Variants in TTLL5 observed in about 807,000 individuals in gnomAD.
TTLL5 encodes the protein tubulin tyrosine ligase like 5, also known as tubulin polyglutamylase TTLL5.
TTLL5 carries 132 observed loss-of-function variants against 168.4 expected under a neutral mutation model. The observed-to-expected ratio is 0.78, with a 90% CI of 0.68 to 0.91. TTLL5 has a LOEUF of 0.91. TTLL5 is among the 40% of genes least tolerant of loss of function. TTLL5 has a pLI of 0.00. For synonymous variants in TTLL5, 546 were observed against 558.6 expected, an observed-to-expected ratio of 0.98 and a Z score of 0.32; for missense variants, 1,545 against 1,581.5, an observed-to-expected ratio of 0.98 and a Z score of 0.39.
intron 31 of TTLL5, among the ~76,000 whole-genome samples, chr14:75,904,620 T>C (rs2033069440): frequency 6.6e-6 from 1 of 152,132 alleles, no homozygotes; most frequent in South Asian, 2.1e-4. Flanking sequence ...GAACTTGGTG[T>C]CAGTATGAAA....
chr14:75,689,475 G>A (rs1885295985), intron 5 of TTLL5: 1 of 152,132 alleles, frequency 6.6e-6, no homozygotes, highest in South Asian at 2.1e-4. Context: ...CACTTCTAGA[G>A]AAATAAAAAC....
intron 29 of TTLL5, among the ~76,000 whole-genome samples, chr14:75,870,165 A>T (rs898783491): frequency 2.6e-5 from 4 of 151,856 alleles, no homozygotes; most frequent in African/African-American, 9.7e-5. Context: ...AAAAGTTATT[A>T]TCAGGTCTCT....
chr14:75,938,270 A>C (rs549077337), intron 31 of TTLL5, among the ~76,000 whole-genome samples: 2 of 152,358 alleles, frequency 1.3e-5, no homozygotes, highest in South Asian at 4.1e-4. Context: ...AGAATTGAGC[A>C]ATCATCTGTA....
chr14:75,806,638 T>C (rs1279864483), intron 27 of TTLL5, among the ~76,000 whole-genome samples: 1 of 152,048 alleles, frequency 6.6e-6, no homozygotes, highest in Non-Finnish European at 1.5e-5. Context: ...ACTTCACTCA[T>C]ATGCATACTC....
At chr14:75,948,689 G>A (rs550733617) in intron 31 of TTLL5, among the ~76,000 whole-genome samples, 69 of 151,912 alleles carry the variant, frequency 4.5e-4, no homozygotes, top group Non-Finnish European at 8.5e-4. Context: ...AATAATAATA[G>A]CAATAATAAA....
At chr14:75,731,013 C>T (rs561290336) in intron 12 of TTLL5, among the ~76,000 whole-genome samples, 8 of 152,280 alleles carry the variant, frequency 5.3e-5, no homozygotes, top group South Asian at 2.1e-4. Flanking sequence ...CCACCATACC[C>T]GGCCTCATTC....
intron 28 of TTLL5, among the ~76,000 whole-genome samples, chr14:75,842,076 C>G (rs867216407): frequency 5.9e-5 from 9 of 152,144 alleles, no homozygotes; most frequent in Admixed American, 3.9e-4. Flanking sequence ...ACTCCTTATA[C>G]GTAGATCTTT....
chr14:75,730,323 G>T (rs1256413713), intron 12 of TTLL5, among the ~76,000 whole-genome samples: 2 of 152,158 alleles, frequency 1.3e-5, no homozygotes, highest in Non-Finnish European at 2.9e-5. Flanking sequence ...CTATTGAGAA[G>T]AATGTATTAG....
At chr14:75,863,119 A>G (rs2030168430) in intron 28 of TTLL5, among the ~76,000 whole-genome samples, 1 of 152,188 alleles carries the variant, frequency 6.6e-6, no homozygotes, top group Non-Finnish European at 1.5e-5. Context: ...AATGAAAAAA[A>G]GTGTCTTCCC....
chr14:75,778,604 G>T (rs941700913), intron 23 of TTLL5, among the ~76,000 whole-genome samples: 3 of 152,130 alleles, frequency 2.0e-5, no homozygotes, highest in Admixed American at 2.0e-4. Context: ...TGGTTAGAGT[G>T]TGTTTTCTGA....
intron 31 of TTLL5, among the ~76,000 whole-genome samples, chr14:75,923,404 G>A (rs1020063594): frequency 2.4e-4 from 36 of 152,092 alleles, no homozygotes; most frequent in African/African-American, 8.5e-4. Flanking sequence ...ATTCTGGTAC[G>A]TTGTGTCTTT....
chr14:75,665,294 A>C lies in TTLL5; in HGVS notation c.74+2071A>C, dbSNP rs558368333. 6.0e-4 allele frequency among the ~76,000 whole-genome samples: 92 copies of C among 152,344 alleles called. 1 individual carries two copies. Among genetic ancestry groups the C allele is most frequent in the Middle Eastern group, 6.8e-3 (2 of 294 alleles). ...TTGTTTTCTAAAGACAACAACATGA[A>C]GACTGTTTTTGTTTAGTTTGTGTAA... On this transcript the variant is annotated intron_variant, in intron 2 of 31. Coordinates refer to ENST00000298832, the MANE Select transcript of TTLL5 (RefSeq NM_015072.5).
chr14:75,902,312 G>T, intron 31 of TTLL5, 88 bp downstream of exon 31: 1 of 1,345,112 alleles, frequency 7.4e-7, no homozygotes, highest in Admixed American at 1.9e-5. Context: ...TCCAAAGAGA[G>T]CCCCAGTTCA....
intron 18 of TTLL5, among the ~76,000 whole-genome samples, chr14:75,757,601 T>C (rs1233627326): frequency 1.3e-5 from 2 of 152,232 alleles, no homozygotes. Flanking sequence ...TTTTTCTCTA[T>C]AATTTGTCCT....
chr14:75,909,323 T>C (rs1192771048), intron 31 of TTLL5, among the ~76,000 whole-genome samples: 1 of 147,906 alleles, frequency 6.8e-6, no homozygotes, highest in Non-Finnish European at 1.5e-5. Context: ...CTAGATACCA[T>C]CCCTATACCC....
intron 6 of TTLL5, among the ~76,000 whole-genome samples, chr14:75,698,773 C>A (rs1886044661): frequency 6.6e-6 from 1 of 152,030 alleles, no homozygotes. Context: ...GGCATGGTGG[C>A]CCATGCCTGT....
At chr14:75,818,107 C>T (rs569777946) in intron 27 of TTLL5, among the ~76,000 whole-genome samples, 177 of 151,870 alleles carry the variant, frequency 1.2e-3, no homozygotes, top group Non-Finnish European at 2.0e-3. Context: ...CAAAGTGCTG[C>T]GATTATAGGC....
chr14:75,792,680 A>G (rs1892794549), intron 26 of TTLL5, among the ~76,000 whole-genome samples: 1 of 152,236 alleles, frequency 6.6e-6, no homozygotes, highest in Non-Finnish European at 1.5e-5. Context: ...AGCTTTCATT[A>G]TAAGCAAAAA....
chr14:75,817,170 G>A (rs1050933069), intron 27 of TTLL5, among the ~76,000 whole-genome samples: 7 of 151,140 alleles, frequency 4.6e-5, no homozygotes, highest in African/African-American at 1.7e-4. Flanking sequence ...AGTAGAGATG[G>A]GATTTCACCA....
Sources: gnomAD v4.1 joint callset for allele counts (sites outside exome capture counted in the v4.1 genomes callset) on GRCh38, gnomAD v4.1.1 for gene constraint, MANE v1.5 for transcripts, NCBI Gene and HGNC (gene_info 2026-07-23, HGNC 2026-07-21) for gene names.